NRG1: variants seen among roughly 807,000 people sequenced by gnomAD.
The protein encoded by NRG1 is neuregulin 1.
Under a neutral mutation model 63.8 loss-of-function variants are expected in NRG1, and 18 were observed. The observed-to-expected ratio is 0.28, with a 90% confidence interval of 0.19 to 0.42. The LOEUF is 0.42. Ranked by LOEUF, NRG1 falls within the 10% of genes least tolerant of loss-of-function variation. The pLI is 1.00. For missense variants in NRG1, 762 were observed against 814.7 expected (o/e 0.94, Z 0.79); for synonymous variants, 302 against 301.3 (o/e 1.00, Z -0.02).
intron 1 of NRG1, among the ~76,000 whole-genome samples, chr8:32,062,815 C>A (rs1329926041): frequency 6.6e-6 from 1 of 151,996 alleles, no homozygotes; most frequent in African/African-American, 2.4e-5. Context: ...CATTTGATAA[C>A]CTCTTCAATG....
chr8:32,138,569 CT>C (rs889638823), intron 1 of NRG1, among the ~76,000 whole-genome samples: 4 of 150,618 alleles, frequency 2.7e-5, no homozygotes, highest in Non-Finnish European at 4.4e-5. Flanking sequence ...ACAGCGATTT[CT>C]TTTTTTTTGA....
chr8:32,754,460 C>G (rs1564113327), exon 8 of NRG1: 1 of 1,613,666 alleles, frequency 6.2e-7, no homozygotes, highest in Non-Finnish European at 8.5e-7. Context: ...GTGTGGTGGC[C>G]TACTGCAAAA....
Position 31,884,066 on chromosome 8 carries a change from G to A in NRG1, c.37+244635G>A, listed in dbSNP as rs144330928. On this transcript the variant is annotated intron_variant, in intron 1 of 10. Coordinates refer to the NRG1 transcript ENST00000519301. ...TACTATTTAGATCCTGAACATGAAC[G>A]GGCTCCTATTCCTTTCCTATTGCTG... Among the ~76,000 whole-genome samples the A allele has an allele frequency of 2.3e-3, 343 of 152,094 alleles. 1 individual carries two copies. Among genetic ancestry groups the A allele is most frequent in the Middle Eastern group, 0.014 (4 of 294 alleles).
rs1284209031 is a variant in NRG1 at position 32,359,862 on chromosome 8, G to A, written c.38-235966G>A. Reference sequence around the variant, plus strand: ...TGCTGACTCACATGATGTCATGCCAGAAAGATGAAGGGCCAGAGATTGTAT... The same window carrying A: ...TGCTGACTCACATGATGTCATGCCAAAAAGATGAAGGGCCAGAGATTGTAT... On this transcript the variant is annotated intron_variant, in intron 1 of 10. Coordinates refer to the NRG1 transcript ENST00000519301. 5.3e-5 allele frequency among the ~76,000 whole-genome samples: 8 copies of A among 152,272 alleles called. No individual in the cohort carries two copies. In the East Asian group the frequency reaches 1.5e-3, roughly 29 times the overall value.
intron 6 of NRG1, among the ~76,000 whole-genome samples, chr8:32,735,722 A>G (rs1824862593): frequency 6.6e-6 from 1 of 152,182 alleles, no homozygotes. Flanking sequence ...TAGAGTAAAC[A>G]TGGGCAAGGG....
intron 1 of NRG1, among the ~76,000 whole-genome samples, chr8:32,434,983 G>A (rs1305584446): frequency 2.0e-5 from 3 of 152,128 alleles, no homozygotes; most frequent in Non-Finnish European, 4.4e-5. Context: ...GGAGGCAGGG[G>A]TCCTGGAACC....
rs1274220145 is a variant in NRG1, at chr8:32,596,027, G to A, written c.278+22G>A. The stretch of plus-strand genomic sequence containing the variant: ...CAGGGTAAGTATAATGCATAAAATA[G>A]TAGAGACTGCCCCCAGCAATAAGAT... On this transcript the variant is annotated intron_variant, in intron 2 of 11. Coordinates refer to ENST00000356819, the Ensembl canonical transcript of NRG1. 5 of 1,579,820 alleles carry A rather than the reference G, an allele frequency of 3.2e-6. No individual in the cohort carries two copies. In the East Asian group the frequency reaches 1.1e-4, roughly 35 times the overall value.
chr8:32,513,989 T>C (rs1354764220), intron 1 of NRG1, among the ~76,000 whole-genome samples: 1 of 152,182 alleles, frequency 6.6e-6, no homozygotes, highest in African/African-American at 2.4e-5. Context: ...AAGATGTTGT[T>C]GTACTGATTA....
At chr8:32,038,078 A>G (rs1158304883) in intron 1 of NRG1, among the ~76,000 whole-genome samples, 1 of 152,218 alleles carries the variant, frequency 6.6e-6, no homozygotes, top group Non-Finnish European at 1.5e-5. Context: ...CCACCTGAGC[A>G]GCCGCTGTGA....
intron 2 of NRG1, among the ~76,000 whole-genome samples, chr8:32,604,827 A>AACC (rs1345955850): frequency 6.6e-6 from 1 of 152,090 alleles, no homozygotes; most frequent in African/African-American, 2.4e-5. Context: ...ATTATAGGTT[A>AACC]TGTGCAACAG....
chr8:32,220,885 T>C (rs993766082), intron 1 of NRG1: 1 of 152,238 alleles, frequency 6.6e-6, no homozygotes, highest in African/African-American at 2.4e-5. Context: ...CTCTGGATGC[T>C]GGAAACCTGG....
At chr8:32,083,332 G>A (rs957945720) in intron 1 of NRG1, among the ~76,000 whole-genome samples, 2 of 152,204 alleles carry the variant, frequency 1.3e-5, no homozygotes, top group African/African-American at 4.8e-5. Context: ...TAGGCCAAGT[G>A]TGTTGGGTTG....
At chr8:31,667,073 G>A (rs1280744765) in intron 1 of NRG1, among the ~76,000 whole-genome samples, 3 of 152,158 alleles carry the variant, frequency 2.0e-5, no homozygotes, top group South Asian at 2.1e-4. Context: ...AATTCTAACC[G>A]AATACTCTGG....
At chr8:32,416,842 C>T (rs1029421353) in intron 1 of NRG1, among the ~76,000 whole-genome samples, 2 of 152,018 alleles carry the variant, frequency 1.3e-5, no homozygotes, top group East Asian at 1.9e-4. Flanking sequence ...TGCACCACCA[C>T]GCTTGGCTAA....
At chr8:31,678,699 T>G (rs1377867858) in intron 1 of NRG1, among the ~76,000 whole-genome samples, 1 of 149,074 alleles carries the variant, frequency 6.7e-6, no homozygotes. Context: ...TTTAATGTTA[T>G]AGCATATTAA....
chr8:32,759,187 A>G (rs1400101149), intron 9 of NRG1, 119 bp from the exon 10 acceptor site: 1 of 1,177,086 alleles, frequency 8.5e-7, no homozygotes, highest in East Asian at 2.5e-5. Context: ...AATCAGCTGT[A>G]CAAAAATAGA....
Position 31,841,363 on chromosome 8 carries a change from G to T in NRG1, c.37+201932G>T, listed in dbSNP as rs201327089. On this transcript the variant is annotated intron_variant, in intron 1 of 10. Transcript: ENST00000519301. ...AGCTCAGGCTGGAGACTGAGAAAAT[G>T]CTAAGTCATGGGGGGTCTTACACAA... is the stretch of plus-strand genomic sequence containing the variant. 2.4e-4 allele frequency among the ~76,000 whole-genome samples: 36 copies of T among 152,192 alleles called. No homozygotes were observed. In the East Asian group the frequency reaches 7.0e-3, roughly 30 times the overall value.
chr8:32,129,210 G>A (rs997130021), intron 1 of NRG1, among the ~76,000 whole-genome samples: 11 of 152,038 alleles, frequency 7.2e-5, no homozygotes, highest in Admixed American at 1.3e-4. Context: ...CCAATTAGAT[G>A]GCATATTCAT....
At chr8:31,688,169 G>A (rs1367448876) in intron 1 of NRG1, among the ~76,000 whole-genome samples, 2 of 152,232 alleles carry the variant, frequency 1.3e-5, no homozygotes, top group Non-Finnish European at 2.9e-5. Flanking sequence ...TGGAGACTAT[G>A]TGTGCTCTTG....
Sources: allele counts gnomAD v4.1 joint callset (sites outside exome capture counted in the v4.1 genomes callset), GRCh38; gene constraint gnomAD v4.1.1; transcripts MANE v1.5; gene names NCBI Gene and HGNC (gene_info 2026-07-23, HGNC 2026-07-21).